The following ABAT variants were observed in gnomAD, a reference collection of about 807,000 sequenced individuals.
ABAT encodes 4-aminobutyrate aminotransferase, mitochondrial.
A neutral mutation model predicts 64.6 loss-of-function variants in ABAT; 45 were observed. The observed-to-expected ratio is 0.70, with a 90% confidence interval of 0.55 to 0.89. The LOEUF (loss-of-function observed/expected upper bound fraction) is 0.89, where lower values mean the gene tolerates loss of function less well. Among genes scored for constraint, ABAT ranks in the 40% least tolerant of loss-of-function variants. The pLI is 0.00. For missense variants in ABAT, 633 were observed against 658.4 expected (o/e 0.96, Z 0.42); for synonymous variants, 297 against 250.5 (o/e 1.19, Z -1.75).
rs552542587 is a variant in ABAT, at chr16:8,697,246, C to T, written c.-42+22535C>T. Among the ~76,000 whole-genome samples the T allele has an allele frequency of 3.9e-5, 6 of 152,186 alleles. No homozygotes were observed. The South Asian group carries it at 1.0e-3, about 26-fold the overall frequency. On this transcript the variant is annotated intron_variant, in intron 1 of 15. Transcript: ENST00000268251. Reference sequence around the variant, plus strand: ...CACAGCAGATGCATGGCAGGTCCCACGTTGGGAGGACTTGAGGTCATCATT... The same window carrying T: ...CACAGCAGATGCATGGCAGGTCCCATGTTGGGAGGACTTGAGGTCATCATT...
chr16:8,766,954 A>G (rs1175205590), intron 9 of ABAT, among the ~76,000 whole-genome samples: 1 of 152,166 alleles, frequency 6.6e-6, no homozygotes, highest in African/African-American at 2.4e-5. Context: ...CTGGCGACAG[A>G]GCAAGACTCC....
intron 1 of ABAT, among the ~76,000 whole-genome samples, chr16:8,694,676 G>A (rs1445827889): frequency 2.0e-5 from 3 of 152,100 alleles, no homozygotes; most frequent in Non-Finnish European, 4.4e-5. Flanking sequence ...CCGCACCTGG[G>A]GCCAGCTATG....
intron 1 of ABAT, among the ~76,000 whole-genome samples, chr16:8,728,444 G>A (rs1363192046): frequency 1.3e-5 from 2 of 152,164 alleles, no homozygotes; most frequent in African/African-American, 4.8e-5. Context: ...ACGCCTCAGT[G>A]CTCCCTGTTT....
chr16:8,694,754 T>G (rs1567273080), intron 1 of ABAT, among the ~76,000 whole-genome samples: 1 of 152,154 alleles, frequency 6.6e-6, no homozygotes, highest in Non-Finnish European at 1.5e-5. Context: ...CAAATTCCAG[T>G]GGAGTGTGGA....
chr16:8,739,238 T>C (rs1623647), intron 2 of ABAT, among the ~76,000 whole-genome samples: 151,071 of 152,324 alleles, frequency 0.99, 74,921 homozygotes, highest in East Asian at 1. Flanking sequence ...ACATCTGAGC[T>C]TTCCTAAGGA....
rs1340636662 is a variant in ABAT at position 8,776,500 on chromosome 16, C to T, written c.1269+10C>T. The T allele has an allele frequency of 6.3e-7, 1 of 1,598,760 alleles. No individual in the cohort carries two copies. Among genetic ancestry groups the T allele is most frequent in the East Asian group, 2.3e-5 (1 of 44,190 alleles). ...ACTGCTGGACCTCCAGGTAACACCC[C>T]CTCCCCTGCCCCGCCCCCACCACCC... On this transcript the variant is annotated intron_variant, in intron 14 of 15. Coordinates refer to ENST00000268251, the MANE Select transcript of ABAT (RefSeq NM_020686.6). This position sits in a 1 kb window ranked among gnomAD's most constrained non-coding sequence, Gnocchi z 4.4.
intron 1 of ABAT, among the ~76,000 whole-genome samples, chr16:8,691,728 A>T (rs1163253327): frequency 6.6e-6 from 1 of 152,146 alleles, no homozygotes; most frequent in African/African-American, 2.4e-5. Flanking sequence ...GGTGTGAGCC[A>T]CCGCGCCCAG....
At chr16:8,684,645 G>A (rs1182093265) in intron 1 of ABAT, among the ~76,000 whole-genome samples, 1 of 151,260 alleles carries the variant, frequency 6.6e-6, no homozygotes, top group Non-Finnish European at 1.5e-5. Flanking sequence ...CTTGAGTCAA[G>A]GAGGCCGAGC....
rs2060265596 is a variant in ABAT, at chr16:8,776,463, C to T, written c.1242C>T (p.Ala414=). 1.2e-6 allele frequency: 2 copies of T among 1,614,148 alleles called. No individual in the cohort carries two copies. Among genetic ancestry groups the T allele is most frequent in the Non-Finnish European group, 1.7e-6 (2 of 1,180,038 alleles). ...ATAATGCAGCCCATGCCGGGAAGGC[C>T]CTGCTCACAGGACTGCTGGACCTCC... The part of the protein sequence containing the change: ...LLNNAAHAGK[A]LLTGLLDLQA... Residue 414 remains alanine (A), a synonymous_variant, in exon 14 of 16, where the codon GCC becomes GCT. Transcript: ENST00000268251. The surrounding 1 kb of genome is among the most constrained non-coding windows in gnomAD (Gnocchi z 4.4).
At position 8,779,606 on chromosome 16, in the gene ABAT, T is replaced by C; in HGVS notation, c.1381+16T>C. 1 of 1,603,464 alleles carries C rather than the reference T, an allele frequency of 6.2e-7. No homozygotes were observed. The highest frequency in any genetic ancestry group is 8.5e-7 in the Non-Finnish European group (1 of 1,171,660). On this transcript the variant is annotated intron_variant, in intron 15 of 15. Coordinates refer to ENST00000268251, the MANE Select transcript of ABAT (RefSeq NM_020686.6). ...AGAAACAAAGGTAAGGGGTCAGGAG[T>C]GGCTGCTGAGTTTCATGAGCATCCA...
chr16:8,678,865 G>A (rs767303898), intron 1 of ABAT, among the ~76,000 whole-genome samples: 65 of 152,128 alleles, frequency 4.3e-4, no homozygotes, highest in Non-Finnish European at 8.2e-4. Flanking sequence ...AATCAACATA[G>A]CCAGTATGAT....
At chr16:8,752,037 G>T (rs2059502261) in intron 5 of ABAT, among the ~76,000 whole-genome samples, 1 of 151,826 alleles carries the variant, frequency 6.6e-6, no homozygotes, top group Admixed American at 6.5e-5. Context: ...AGAGCCCGGG[G>T]CATCCTCCGC....
At chr16:8,737,872 A>C (rs1426727201) in intron 2 of ABAT, among the ~76,000 whole-genome samples, 20 of 147,156 alleles carry the variant, frequency 1.4e-4, no homozygotes, top group Admixed American at 8.3e-4. Context: ...AGGTTGCAGT[A>C]AGCTGAGATT....
At chr16:8,701,740 G>A (rs1228015982) in intron 1 of ABAT, among the ~76,000 whole-genome samples, 2 of 152,362 alleles carry the variant, frequency 1.3e-5, no homozygotes, top group African/African-American at 4.8e-5. Context: ...GTGAGGGAAG[G>A]GGAGAGGGAG....
chr16:8,690,142 G>GTT (rs1293691324), intron 1 of ABAT, among the ~76,000 whole-genome samples: 1 of 152,142 alleles, frequency 6.6e-6, no homozygotes, highest in Non-Finnish European at 1.5e-5. Flanking sequence ...ATTTTTGCTA[G>GTT]CAGTGGAAGC....
At position 8,750,487 on chromosome 16, in the gene ABAT, G is replaced by A. The variant is rs1389396065; in HGVS notation, c.264G>A (p.Val88=). ...GCCGAGGCAATTACCTGGTTGATGT[G>A]GACGGCAACCGAATGCTGGATCTTT... The part of the protein sequence containing the change: ...EESRGNYLVD[V]DGNRMLDLYS... Residue 88 remains valine (V), a synonymous_variant, in exon 5 of 16, where the codon GTG becomes GTA. Coordinates refer to ENST00000268251, the MANE Select transcript of ABAT (RefSeq NM_020686.6). 1 of 1,614,020 alleles carries A rather than the reference G, an allele frequency of 6.2e-7. No homozygotes were observed.
At chr16:8,755,740 A>G (rs913080913) in intron 5 of ABAT, among the ~76,000 whole-genome samples, 2 of 145,172 alleles carry the variant, frequency 1.4e-5, no homozygotes, top group Non-Finnish European at 3.0e-5. Flanking sequence ...GCAAAACCTC[A>G]TATCTACTAA....
intron 1 of ABAT, among the ~76,000 whole-genome samples, chr16:8,735,126 A>T (rs1465802336): frequency 1.3e-5 from 2 of 149,322 alleles, no homozygotes; most frequent in African/African-American, 5.0e-5. Flanking sequence ...GTGAACCGAG[A>T]TCGAGCCACT....
rs55677241 is a variant in ABAT at position 8,772,252 on chromosome 16, CTGTGTGTGTGTGTGTGTGTGTGTG to C, written c.817-499_817-476del. Among the ~76,000 whole-genome samples the C allele has an allele frequency of 8.8e-3, 1,298 of 147,962 alleles. 8 individuals carry two copies. Among genetic ancestry groups the C allele is most frequent in the Non-Finnish European group, 0.014 (906 of 66,956 alleles). On this transcript the variant is annotated intron_variant, in intron 11 of 15. Coordinates refer to ENST00000268251, the MANE Select transcript of ABAT (RefSeq NM_020686.6). The stretch of plus-strand genomic sequence containing the variant: ...ACTCTGCTGTATTTTCTCTCTGTCT[CTGTGTGTGTGTGTGTGTGTGTGTG>C]TGTGTGTGTGTGTGTGTGTGTGTGT...
Sources: gnomAD v4.1 joint callset for allele counts (sites outside exome capture counted in the v4.1 genomes callset) on GRCh38, gnomAD v4.1.1 for gene constraint, Gnocchi (gnomAD v3.1) non-coding constraint, MANE v1.5 for transcripts, NCBI Gene and HGNC (gene_info 2026-07-23, HGNC 2026-07-21) for gene names.